Variants in ADAMTSL3 observed in about 807,000 individuals in gnomAD.
ADAMTSL3 encodes the protein ADAMTS like 3.
In ADAMTSL3, 128 loss-of-function variants were observed where a neutral mutation model predicts 201.7. The ratio of observed to expected loss-of-function variants is 0.63; its 90% CI spans 0.55 to 0.73. The LOEUF (loss-of-function observed/expected upper bound fraction) is 0.73, where lower values mean the gene tolerates loss of function less well. Among genes scored for constraint, ADAMTSL3 ranks in the 30% least tolerant of loss-of-function variants. ADAMTSL3 has a pLI of 0.00. For synonymous variants in ADAMTSL3, 738 were observed against 748.4 expected (o/e 0.99, Z 0.23); for missense variants, 1,990 against 2,119.6 (o/e 0.94, Z 1.20).
intron 5 of ADAMTSL3, among the ~76,000 whole-genome samples, chr15:83,819,350 T>G (rs113253386): frequency 2.6e-5 from 4 of 151,888 alleles, no homozygotes; most frequent in African/African-American, 9.7e-5. Flanking sequence ...TCCTTCACAT[T>G]GAAATGGCTC....
intron 15 of ADAMTSL3, among the ~76,000 whole-genome samples, chr15:83,905,089 C>T (rs2065807522): frequency 6.6e-6 from 1 of 152,130 alleles, no homozygotes; most frequent in African/African-American, 2.4e-5. Flanking sequence ...GGCGTAGAAA[C>T]ATAAAGGAAT....
At chr15:83,727,171 A>G (rs931658567) in intron 3 of ADAMTSL3, among the ~76,000 whole-genome samples, 4 of 151,644 alleles carry the variant, frequency 2.6e-5, no homozygotes, top group East Asian at 1.9e-4. Context: ...AGATTTTTCA[A>G]TGTATTGGCA....
chr15:83,701,186 G>C (rs568474887), intron 2 of ADAMTSL3, among the ~76,000 whole-genome samples: 12 of 152,228 alleles, frequency 7.9e-5, no homozygotes, highest in African/African-American at 2.9e-4. Context: ...CCAGTCGGGG[G>C]TATAGTCACA....
intron 15 of ADAMTSL3, among the ~76,000 whole-genome samples, chr15:83,901,706 A>G (rs747250383): frequency 7.9e-5 from 12 of 152,022 alleles, no homozygotes; most frequent in South Asian, 2.1e-4. Context: ...CAAGTCAGTT[A>G]ATATCTGTAG....
Position 83,687,405 on chromosome 15 carries a change from A to T in ADAMTSL3, c.70-16984A>T, listed in dbSNP as rs1459085472. Among the ~76,000 whole-genome samples, 6 of 152,274 alleles carry T rather than the reference A, an allele frequency of 3.9e-5. No individual in the cohort carries two copies. The Middle Eastern group carries it at 0.014, about 345-fold the overall frequency. ...TTATTTTACATTTTCAGCCCATCTCAATTCAGACTAGCTGCATTTAGAATG... is the reference window on the plus strand; with the variant it reads ...TTATTTTACATTTTCAGCCCATCTCTATTCAGACTAGCTGCATTTAGAATG... On this transcript the variant is annotated intron_variant, in intron 2 of 29. Coordinates refer to ENST00000286744, the MANE Select transcript of ADAMTSL3 (RefSeq NM_207517.3).
chr15:83,852,103 C>T (rs752517559), intron 7 of ADAMTSL3, among the ~76,000 whole-genome samples: 1 of 151,966 alleles, frequency 6.6e-6, no homozygotes, highest in African/African-American at 2.4e-5. Flanking sequence ...TATCAGTTCT[C>T]ATAATTTGGC....
At chr15:83,747,045 G>T (rs1297036246) in intron 3 of ADAMTSL3, among the ~76,000 whole-genome samples, 3 of 152,174 alleles carry the variant, frequency 2.0e-5, no homozygotes, top group African/African-American at 7.2e-5. Context: ...CTTTACCTCT[G>T]TGTGGACATC....
chr15:83,965,932 T>A (rs948785570), intron 19 of ADAMTSL3, among the ~76,000 whole-genome samples: 1 of 152,244 alleles, frequency 6.6e-6, no homozygotes, highest in African/African-American at 2.4e-5. Context: ...CCTGAATGAC[T>A]ACTGGGTGAA....
chr15:83,670,507 A>G (rs968169288), intron 2 of ADAMTSL3, among the ~76,000 whole-genome samples: 3 of 152,080 alleles, frequency 2.0e-5, no homozygotes, highest in Admixed American at 6.5e-5. Context: ...ACACACACAC[A>G]TATGCACACG....
At chr15:83,948,133 G>T (rs2066690240) in intron 19 of ADAMTSL3, among the ~76,000 whole-genome samples, 1 of 152,114 alleles carries the variant, frequency 6.6e-6, no homozygotes, top group Non-Finnish European at 1.5e-5. Context: ...GATATGTCCA[G>T]GATACATGGA....
intron 8 of ADAMTSL3, among the ~76,000 whole-genome samples, chr15:83,865,980 A>C (rs1048556634): frequency 1.3e-5 from 2 of 152,254 alleles, no homozygotes; most frequent in Non-Finnish European, 2.9e-5. Flanking sequence ...AAAAGAAGAC[A>C]TTTATGCAGC....
At chr15:83,791,070 C>G (rs958533502) in intron 4 of ADAMTSL3, among the ~76,000 whole-genome samples, 3 of 151,886 alleles carry the variant, frequency 2.0e-5, no homozygotes, top group Non-Finnish European at 4.4e-5. Flanking sequence ...TGTAAAACAC[C>G]GATGAAAGAA....
intron 8 of ADAMTSL3, 22 bp downstream of exon 8, chr15:83,858,862 C>T (rs1282404291): frequency 6.4e-7 from 1 of 1,569,206 alleles, no homozygotes; most frequent in Non-Finnish European, 8.7e-7. Context: ...TTAATCTTAA[C>T]ATTTTTTAAT....
chr15:83,673,516 G>C (rs998940129), intron 2 of ADAMTSL3, among the ~76,000 whole-genome samples: 5 of 152,024 alleles, frequency 3.3e-5, no homozygotes, highest in African/African-American at 1.2e-4. Flanking sequence ...CCTCTCTCAT[G>C]CCCTTCCCAG....
intron 20 of ADAMTSL3, among the ~76,000 whole-genome samples, chr15:83,979,116 G>C (rs967748911): frequency 3.9e-5 from 6 of 152,262 alleles, no homozygotes; most frequent in African/African-American, 1.4e-4. Context: ...AGCTTGAGCT[G>C]TTTAGCCAGA....
chr15:83,865,141 A>G (rs1033075538), intron 8 of ADAMTSL3, among the ~76,000 whole-genome samples: 12 of 152,332 alleles, frequency 7.9e-5, no homozygotes, highest in African/African-American at 2.9e-4. Context: ...AGAACATTCC[A>G]TGCTCGTGGG....
At position 83,823,943 on chromosome 15, in the gene ADAMTSL3, CT is replaced by C. The variant is rs1232207147; in HGVS notation, c.600+3898del. Among the ~76,000 whole-genome samples, 457 of 104,494 alleles carry C rather than the reference CT, an allele frequency of 4.4e-3. 16 individuals carry two copies. The East Asian group carries it at 0.054, about 12-fold the overall frequency. The allele number at this position is 104,494 out of a possible 152,430, so 68.6% of individuals were successfully genotyped here. ...TCTTCTTCTTCTTCTTCTTCTTCTT[CT>C]TCTTCTTCTTCTTCTTCTTCTTCTT... On this transcript the variant is annotated intron_variant, in intron 6 of 29. Coordinates refer to ENST00000286744, the MANE Select transcript of ADAMTSL3 (RefSeq NM_207517.3).
intron 3 of ADAMTSL3, among the ~76,000 whole-genome samples, chr15:83,753,146 G>A (rs1235431993): frequency 6.6e-6 from 1 of 152,182 alleles, no homozygotes; most frequent in Non-Finnish European, 1.5e-5. Flanking sequence ...CTACCTTTCT[G>A]AAGACTTGAT....
In ADAMTSL3 at chr15:84,037,808, C is replaced by G. The variant is rs922928489; in HGVS notation, c.*2C>G. On this transcript the variant is annotated 3_prime_UTR_variant, in exon 30 of 30. Transcript: ENST00000286744. The stretch of plus-strand genomic sequence containing the variant: ...TGCCAGTCATGTCAAGAGGGATAAA[C>G]CTTTGGAGGGGTCATGATGCTGCTG... 3.7e-6 allele frequency: 6 copies of G among 1,610,386 alleles called. No individual in the cohort carries two copies. The highest frequency in any genetic ancestry group is 4.2e-6 in the Non-Finnish European group (5 of 1,179,246).
Sources: gnomAD v4.1 joint callset for allele counts (sites outside exome capture counted in the v4.1 genomes callset) on GRCh38, gnomAD v4.1.1 for gene constraint, MANE v1.5 for transcripts, NCBI Gene and HGNC (gene_info 2026-07-23, HGNC 2026-07-21) for gene names.